SEC23A: variants seen among roughly 807,000 people sequenced by gnomAD.
SEC23A encodes SEC23 homolog A, COPII component, also known as protein transport protein Sec23A.
Under a neutral mutation model 103.7 loss-of-function variants are expected in SEC23A, and 56 were observed. The observed-to-expected ratio is 0.54, with a 90% CI of 0.44 to 0.67. SEC23A has a LOEUF of 0.67. SEC23A is among the 30% of genes least tolerant of loss of function. SEC23A has a pLI of 0.00. For missense variants in SEC23A, 784 were observed against 936.4 expected (o/e 0.84, Z 2.12); for synonymous variants, 281 against 293.0 (o/e 0.96, Z 0.42).
At chr14:39,059,291 A>AAAAAAAAC (rs869052966) in intron 13 of SEC23A, among the ~76,000 whole-genome samples, 5 of 67,056 alleles carry the variant, frequency 7.5e-5, no homozygotes, top group East Asian at 3.1e-4. Flanking sequence ...AAAAAAAAAA[A>AAAAAAAAC]AAAAAAAAAA....
chr14:39,033,196 A>T lies in SEC23A; in HGVS notation c.*43T>A. The stretch of plus-strand genomic sequence containing the variant: ...GGAAAAAGGAAAAAATGAAATTTGA[A>T]TATTATTTCATCTTCTTAAGTGTCT... On this transcript the variant is annotated 3_prime_UTR_variant, in exon 20 of 20. Coordinates refer to ENST00000307712, the MANE Select transcript of SEC23A (RefSeq NM_006364.4). The T allele has an allele frequency of 5.1e-6, 7 of 1,381,308 alleles. No homozygotes were observed. Among genetic ancestry groups the T allele is most frequent in the Non-Finnish European group, 7.2e-6 (7 of 968,124 alleles). 85.6% of individuals were successfully genotyped at this position (1,381,308 alleles called of 1,614,324 possible).
chr14:39,052,314 G>GA (rs202146335), intron 14 of SEC23A, among the ~76,000 whole-genome samples: 10 of 144,180 alleles, frequency 6.9e-5, no homozygotes, highest in African/African-American at 1.3e-4. Context: ...CTTAAAAGTT[G>GA]AAAAAAAAAA....
Position 39,082,056 on chromosome 14 carries a change from A to G in SEC23A, c.828+3706T>C, listed in dbSNP as rs985223010. ...GCCCTGAACAACTTACTATACCAGAAAGGAAGTATTTAAGCAAACATGCGG... is the reference window on the plus strand; with the variant it reads ...GCCCTGAACAACTTACTATACCAGAGAGGAAGTATTTAAGCAAACATGCGG... On this transcript the variant is annotated intron_variant, in intron 7 of 19. Transcript: ENST00000307712. Among the ~76,000 whole-genome samples the G allele has an allele frequency of 2.0e-5, 3 of 152,208 alleles. 1 individual carries two copies. The South Asian group carries it at 6.2e-4, about 32-fold the overall frequency.
chr14:39,083,182 A>G (rs1887286300), intron 7 of SEC23A, among the ~76,000 whole-genome samples: 1 of 152,200 alleles, frequency 6.6e-6, no homozygotes, highest in Non-Finnish European at 1.5e-5. Flanking sequence ...TGGGACCCCA[A>G]AATCATTAAA....
intron 12 of SEC23A, 123 bp downstream of exon 12, chr14:39,063,201 C>T: frequency 3.2e-6 from 2 of 622,486 alleles, no homozygotes; most frequent in Non-Finnish European, 5.7e-6. Flanking sequence ...AATTCCAATA[C>T]AGAAAATAAA....
chr14:39,077,928 G>C (rs1375814826), intron 7 of SEC23A, among the ~76,000 whole-genome samples: 1 of 152,050 alleles, frequency 6.6e-6, no homozygotes, highest in Non-Finnish European at 1.5e-5. Context: ...GTGAGACACT[G>C]TCTAAAATAA....
chr14:39,092,697 A>ATC, intron 3 of SEC23A, 70 bp from the exon 4 acceptor site: 2 of 838,822 alleles, frequency 2.4e-6, no homozygotes, highest in Non-Finnish European at 3.9e-6. Context: ...ATTTTAAACA[A>ATC]AGTATTTCCT....
chr14:39,070,935 C>T (rs1886821343), intron 9 of SEC23A, among the ~76,000 whole-genome samples: 1 of 151,786 alleles, frequency 6.6e-6, no homozygotes, highest in African/African-American at 2.4e-5. Context: ...GCTGAGGCAG[C>T]AGAATCACTT....
intron 2 of SEC23A, among the ~76,000 whole-genome samples, chr14:39,093,846 T>C (rs1186521874): frequency 6.6e-6 from 1 of 152,108 alleles, no homozygotes; most frequent in Non-Finnish European, 1.5e-5. Flanking sequence ...TTCAGTAACA[T>C]CTACACTCAG....
At chr14:39,075,906 A>C in intron 8 of SEC23A, 29 bp downstream of exon 8, 1 of 1,604,276 alleles carries the variant, frequency 6.2e-7, no homozygotes, top group Non-Finnish European at 8.5e-7. Flanking sequence ...TTTTCTAATA[A>C]GGCAAAAATA....
chr14:39,065,725 G>A (rs1329718404), intron 10 of SEC23A, among the ~76,000 whole-genome samples: 3 of 152,114 alleles, frequency 2.0e-5, no homozygotes, highest in East Asian at 3.9e-4. Flanking sequence ...GTGGCCAGGC[G>A]CGGTAGCTCA....
rs146325877 is a variant in SEC23A at position 39,055,438 on chromosome 14, C to T, written c.1506-142G>A. 2,513 of 789,264 alleles carry T rather than the reference C, an allele frequency of 3.2e-3. 60 individuals carry two copies. The African/African-American group carries it at 0.04, about 12-fold the overall frequency. 48.9% of individuals were successfully genotyped at this position (789,264 alleles called of 1,614,324 possible). On this transcript the variant is annotated intron_variant, in intron 13 of 19. Coordinates refer to ENST00000307712, the MANE Select transcript of SEC23A (RefSeq NM_006364.4). The stretch of plus-strand genomic sequence containing the variant: ...TTTTTTTTTTTTTGAGACAGAGTCT[C>T]GCTCTGTCACCTAGGCTGCAGTGCA...
intron 5 of SEC23A, among the ~76,000 whole-genome samples, chr14:39,089,612 C>T (rs1887588749): frequency 6.6e-6 from 1 of 152,144 alleles, no homozygotes; most frequent in Admixed American, 6.6e-5. Context: ...AGTTCTCTCT[C>T]AAATTCCCAT....
chr14:39,040,289 T>C (rs1885595777), intron 18 of SEC23A: 2 of 178,102 alleles, frequency 1.1e-5, no homozygotes, highest in Non-Finnish European at 2.4e-5. Flanking sequence ...AGTGTTTTCC[T>C]ATTACATAAA....
chr14:39,046,067 T>C (rs1413801297), intron 15 of SEC23A, among the ~76,000 whole-genome samples: 1 of 152,120 alleles, frequency 6.6e-6, no homozygotes, highest in East Asian at 1.9e-4. Flanking sequence ...AAATGGGAGT[T>C]CCCCTGCACA....
rs1336124771 is a variant in SEC23A, at chr14:39,094,259, TATATGCATATATACACATATACAC to T, written c.222-1039_222-1016del. Among the ~76,000 whole-genome samples, 519 of 95,904 alleles carry T rather than the reference TATATGCATATATACACATATACAC, an allele frequency of 5.4e-3. 10 individuals are homozygous for T. The highest frequency in any genetic ancestry group is 0.02 in the African/African-American group (480 of 23,930). The allele number at this position is 95,904 out of a possible 152,430, so 62.9% of individuals were successfully genotyped here. A position where few individuals can be genotyped will look rare whatever the true frequency, so the allele number is the denominator to read the frequency against. On this transcript the variant is annotated intron_variant, in intron 2 of 19. Coordinates refer to ENST00000307712, the MANE Select transcript of SEC23A (RefSeq NM_006364.4). ...ATATGCATATATACACATATACATA[TATATGCATATATACACATATACAC>T]ATATATATGCATATATACACATATA...
At chr14:39,049,765 G>A (rs1234808668) in intron 14 of SEC23A, among the ~76,000 whole-genome samples, 1 of 150,550 alleles carries the variant, frequency 6.6e-6, no homozygotes, top group African/African-American at 2.4e-5. Flanking sequence ...GGGAGACAGA[G>A]CGAGATTCTG....
chr14:39,091,067 A>G, intron 5 of SEC23A: 1 of 417,038 alleles, frequency 2.4e-6, no homozygotes, highest in Non-Finnish European at 4.5e-6. Flanking sequence ...CCTGAGGAGT[A>G]TGATGATGAC....
At chr14:39,075,705 T>C (rs1408576286) in intron 8 of SEC23A, among the ~76,000 whole-genome samples, 1 of 152,218 alleles carries the variant, frequency 6.6e-6, no homozygotes, top group East Asian at 1.9e-4. Flanking sequence ...CAGTAATAAT[T>C]TTTAAGGAGA....
Sources: allele counts gnomAD v4.1 joint callset (sites outside exome capture counted in the v4.1 genomes callset), GRCh38; gene constraint gnomAD v4.1.1; transcripts MANE v1.5; gene names NCBI Gene and HGNC (gene_info 2026-07-23, HGNC 2026-07-21).